The following EYS variants were observed in gnomAD, a reference collection of about 807,000 sequenced individuals.
The protein encoded by EYS is EGF-like photoreceptor maintenance factor, also known as protein eyes shut homolog.
EYS carries 250 observed loss-of-function variants against 282.1 expected under a neutral mutation model. That is an observed-to-expected ratio of 0.89 (90% CI 0.80 to 0.98). EYS has a LOEUF of 0.98. Ranked by LOEUF, EYS falls within the 50% of genes least tolerant of loss-of-function variation. The pLI is 0.00. For missense variants in EYS, 4,016 were observed against 3,709.0 expected, an observed-to-expected ratio of 1.08 and a Z score of -2.15; for synonymous variants, 1,355 against 1,282.9, an observed-to-expected ratio of 1.06 and a Z score of -1.20.
chr6:64,943,814 A>G (rs1769182309), intron 15 of EYS, among the ~76,000 whole-genome samples: 1 of 152,088 alleles, frequency 6.6e-6, no homozygotes, highest in Non-Finnish European at 1.5e-5. Flanking sequence ...GTATCAACCT[A>G]CGAATGTCAT....
chr6:63,908,427 T>G (rs1773837308), intron 35 of EYS, among the ~76,000 whole-genome samples: 2 of 152,080 alleles, frequency 1.3e-5, no homozygotes, highest in African/African-American at 4.8e-5. Context: ...ACTCATTGCC[T>G]TGGAAAAGGC....
chr6:65,364,929 G>A (rs1764858593), intron 8 of EYS, among the ~76,000 whole-genome samples: 1 of 151,686 alleles, frequency 6.6e-6, no homozygotes, highest in African/African-American at 2.4e-5. Flanking sequence ...GATAGTGTGT[G>A]TCAAACATTT....
At chr6:64,071,612 G>T (rs1280324990) in intron 32 of EYS, among the ~76,000 whole-genome samples, 4 of 144,314 alleles carry the variant, frequency 2.8e-5, no homozygotes, top group East Asian at 4.2e-4. Context: ...TTTTAAAAGG[G>T]TATATAAAAA....
chr6:63,896,624 T>C (rs1412374558), intron 35 of EYS, among the ~76,000 whole-genome samples: 5 of 152,224 alleles, frequency 3.3e-5, no homozygotes, highest in Admixed American at 6.5e-5. Context: ...ACATTCTATG[T>C]GTTTGGACAA....
intron 11 of EYS, among the ~76,000 whole-genome samples, chr6:65,310,149 G>C (rs934377957): frequency 5.3e-5 from 8 of 152,068 alleles, no homozygotes; most frequent in African/African-American, 1.9e-4. Context: ...TTCGAGACCA[G>C]GCTGGCCAAC....
At position 64,902,207 on chromosome 6, in the gene EYS, G is replaced by T. The variant is rs1162462570; in HGVS notation, c.2752C>A (p.Pro918Thr). 6.5e-7 allele frequency: 1 copy of T among 1,550,094 alleles called. No individual in the cohort carries two copies. The highest frequency in any genetic ancestry group is 2.4e-5 in the East Asian group (1 of 40,834). Residue 918 changes from proline (P) to threonine (T), a missense_variant, in exon 18 of 43, where the codon CCT (proline) becomes ACT (threonine). Physicochemically the swap from Pro to Thr is conservative, Grantham distance 38. Transcript: ENST00000503581. ...MVNNFRCICRPGFSGSLCEIE... is the reference protein window; with the variant it reads ...MVNNFRCICRTGFSGSLCEIE... ...TCACACAGAGATCCAGAAAACCCAG[G>T]TCTGCAAATACACCTTTTAAACAAA... is the stretch of plus-strand genomic sequence containing the variant.
chr6:64,258,402 G>A (rs2057160), intron 30 of EYS, among the ~76,000 whole-genome samples: 104,426 of 151,822 alleles, frequency 0.69, 35,934 homozygotes, highest in South Asian at 0.71. Context: ...AATCAGAGAT[G>A]AAATAAATAA....
intron 31 of EYS, among the ~76,000 whole-genome samples, chr6:64,140,618 A>T (rs1292095959): frequency 1.3e-5 from 2 of 152,168 alleles, no homozygotes; most frequent in Non-Finnish European, 2.9e-5. Flanking sequence ...CCCCAGCTTC[A>T]TTCCTGTATC....
At chr6:65,038,921 G>C (rs1772848243) in intron 13 of EYS, among the ~76,000 whole-genome samples, 1 of 151,300 alleles carries the variant, frequency 6.6e-6, no homozygotes, top group Non-Finnish European at 1.5e-5. Flanking sequence ...AGCGCTGTCT[G>C]GATATATTCT....
intron 33 of EYS, among the ~76,000 whole-genome samples, chr6:63,999,941 A>G (rs1455389938): frequency 6.6e-6 from 1 of 152,170 alleles, no homozygotes; most frequent in African/African-American, 2.4e-5. Context: ...TTGTATCAAC[A>G]GTAACTTGCA....
chr6:64,017,576 T>C lies in EYS; in HGVS notation c.6726-18393A>G, dbSNP rs532347449. Among the ~76,000 whole-genome samples, 5 of 152,284 alleles carry C rather than the reference T, an allele frequency of 3.3e-5. No individual in the cohort carries two copies. In the South Asian group the frequency reaches 1.0e-3, roughly 32 times the overall value. On this transcript the variant is annotated intron_variant, in intron 33 of 42. Coordinates refer to ENST00000503581, the MANE Select transcript of EYS (RefSeq NM_001142800.2). ...AGTACCTGATGCATAATGCACACAATGCACATATGCTGACCTGAAGCCAGT... is the reference window on the plus strand; with the variant it reads ...AGTACCTGATGCATAATGCACACAACGCACATATGCTGACCTGAAGCCAGT...
chr6:64,858,779 C>T (rs1463901087), intron 19 of EYS, among the ~76,000 whole-genome samples: 1 of 152,064 alleles, frequency 6.6e-6, no homozygotes, highest in Non-Finnish European at 1.5e-5. Flanking sequence ...TAAAATTCAA[C>T]TGCCCATAAT....
Position 63,864,278 on chromosome 6 carries a change from G to T in EYS, c.7136C>A (p.Pro2379Gln). 1 of 1,551,264 alleles carries T rather than the reference G, an allele frequency of 6.4e-7. No homozygotes were observed. ...AACACAGGTGGCACCATTTCCACATGGGTTGTTTTCACAACTTGCAAACTG... is the reference window on the plus strand; with the variant it reads ...AACACAGGTGGCACCATTTCCACATTGGTTGTTTTCACAACTTGCAAACTG... Reference protein sequence around the residue: ...LCQFASCENNPCGNGATCVPK... With the variant: ...LCQFASCENNQCGNGATCVPK... The change falls in exon 36 of 43, where the codon CCA (proline) becomes CAA (glutamine). Residue 2379 changes from proline (P) to glutamine (Q), a missense_variant. Transcript: ENST00000503581.
chr6:64,821,835 C>A, intron 20 of EYS, 112 bp from the exon 21 acceptor site: 1 of 576,426 alleles, frequency 1.7e-6, no homozygotes, highest in South Asian at 2.7e-5. Context: ...AAAAAGCACT[C>A]CCATGAGCAA....
chr6:65,050,397 G>A (rs903776079), intron 13 of EYS, among the ~76,000 whole-genome samples: 3 of 151,522 alleles, frequency 2.0e-5, no homozygotes, highest in East Asian at 3.9e-4. Flanking sequence ...ACTATTTAAC[G>A]AATCGTTTAT....
At chr6:64,332,747 G>A (rs996074265) in intron 29 of EYS, among the ~76,000 whole-genome samples, 8 of 152,116 alleles carry the variant, frequency 5.3e-5, no homozygotes, top group Non-Finnish European at 1.2e-4. Flanking sequence ...CCCTGCTCTA[G>A]TCACACAACT....
chr6:63,766,750 G>A (rs1001545369), intron 40 of EYS, among the ~76,000 whole-genome samples: 28 of 152,092 alleles, frequency 1.8e-4, no homozygotes, highest in South Asian at 1.2e-3. Context: ...GCTAATGAGC[G>A]AGGAAATCCA....
chr6:63,819,880 C>T (rs1771277005), intron 36 of EYS, among the ~76,000 whole-genome samples: 1 of 152,282 alleles, frequency 6.6e-6, no homozygotes, highest in South Asian at 2.1e-4. Flanking sequence ...ATGTAATCAA[C>T]CTACCACTAG....
intron 2 of EYS, among the ~76,000 whole-genome samples, chr6:65,560,337 G>A (rs1260383457): frequency 7.2e-6 from 1 of 138,638 alleles, no homozygotes; most frequent in Non-Finnish European, 1.5e-5. Flanking sequence ...CATATAATAT[G>A]TTATATATTG....
Sources: gnomAD v4.1 joint callset for allele counts (sites outside exome capture counted in the v4.1 genomes callset) on GRCh38, gnomAD v4.1.1 for gene constraint, MANE v1.5 for transcripts, NCBI Gene and HGNC (gene_info 2026-07-23, HGNC 2026-07-21) for gene names.